PPP4R3B: variants seen among roughly 807,000 people sequenced by gnomAD.
PPP4R3B encodes the protein serine/threonine-protein phosphatase 4 regulatory subunit 3B.
Under a neutral mutation model 95.4 loss-of-function variants are expected in PPP4R3B, and 52 were observed. That is an observed-to-expected ratio of 0.54 (90% CI 0.44 to 0.69). The LOEUF is 0.69. Among genes scored for constraint, PPP4R3B ranks in the 30% least tolerant of loss-of-function variants. The pLI, the probability that PPP4R3B is intolerant of heterozygous loss-of-function variation, is 0.00. For synonymous variants in PPP4R3B, 407 were observed against 343.9 expected, an observed-to-expected ratio of 1.18 and a Z score of -2.03; for missense variants, 1,003 against 1,005.9, an observed-to-expected ratio of 1.00 and a Z score of 0.04.
At chr2:55,578,533 C>T (rs1269582534) in intron 9 of PPP4R3B, among the ~76,000 whole-genome samples, 191 bp from the exon 10 acceptor site, 1 of 151,960 alleles carries the variant, frequency 6.6e-6, no homozygotes, top group Non-Finnish European at 1.5e-5. Flanking sequence ...CTTTTGTACC[C>T]ATTCACCTTG....
chr2:55,598,768 C>T lies in PPP4R3B; in HGVS notation c.569G>A (p.Gly190Asp). 1.2e-6 allele frequency: 2 copies of T among 1,614,166 alleles called. No homozygotes were observed. Among genetic ancestry groups the T allele is most frequent in the Non-Finnish European group, 1.7e-6 (2 of 1,180,028 alleles). Reference sequence around the variant, plus strand: ...AATAATTTCATACAAATGGTGTAAGCCTTCAGTGTTTTCTAGGTTCTCGCA... The same window carrying T: ...AATAATTTCATACAAATGGTGTAAGTCTTCAGTGTTTTCTAGGTTCTCGCA... The part of the protein sequence containing the change: ...QACENLENTE[G>D]LHHLYEIIRG... Residue 190 changes from glycine to aspartate, a missense_variant, in exon 4 of 17, where the codon GGC (glycine) becomes GAC (aspartate). Gly to Asp is a moderately conservative substitution (Grantham distance 94, BLOSUM62 -1). Transcript: ENST00000616407.
chr2:55,576,255 G>A lies in PPP4R3B; in HGVS notation c.1606+1060C>T, dbSNP rs191695920. Among the ~76,000 whole-genome samples the A allele has an allele frequency of 8.5e-4, 129 of 152,262 alleles. 1 individual carries two copies. Among genetic ancestry groups the A allele is most frequent in the Admixed American group, 4.1e-3 (62 of 15,280 alleles). Reference sequence around the variant, plus strand: ...TCCCAGCTACTTGGGAGGCTGAGGCGGGAGATGGTTTGAACCCAGAAGGTG... The same window carrying A: ...TCCCAGCTACTTGGGAGGCTGAGGCAGGAGATGGTTTGAACCCAGAAGGTG... On this transcript the variant is annotated intron_variant, in intron 11 of 16. Coordinates refer to ENST00000616407, the MANE Select transcript of PPP4R3B (RefSeq NM_001122964.3).
At chr2:55,584,814 A>G (rs908341896) in intron 7 of PPP4R3B, among the ~76,000 whole-genome samples, 1 of 152,110 alleles carries the variant, frequency 6.6e-6, no homozygotes, top group African/African-American at 2.4e-5. Flanking sequence ...TACAAATCTG[A>G]TTCTATTATA....
chr2:55,612,902 C>A (rs780584107), intron 2 of PPP4R3B, among the ~76,000 whole-genome samples: 3 of 150,638 alleles, frequency 2.0e-5, no homozygotes, highest in Non-Finnish European at 4.4e-5. Flanking sequence ...GCAGAAATCG[C>A]ACCACCACAC....
chr2:55,610,159 TTC>T (rs1693971050), intron 2 of PPP4R3B, among the ~76,000 whole-genome samples: 1 of 152,182 alleles, frequency 6.6e-6, no homozygotes, highest in South Asian at 2.1e-4. Context: ...TTCCAGCACT[TTC>T]TGGAAAATAT....
chr2:55,609,239 G>C (rs910981011), intron 2 of PPP4R3B, among the ~76,000 whole-genome samples: 4 of 151,876 alleles, frequency 2.6e-5, no homozygotes, highest in Non-Finnish European at 5.9e-5. Flanking sequence ...ACGAACTATA[G>C]CCTCAAACTC....
intron 13 of PPP4R3B, 162 bp downstream of exon 13, chr2:55,568,032 T>C: frequency 2.3e-6 from 1 of 427,948 alleles, no homozygotes; most frequent in Non-Finnish European, 3.8e-6. Context: ...AGCTACTGAT[T>C]TTTAAAATTT....
chr2:55,591,460 T>G (rs1334094225), intron 4 of PPP4R3B: 1 of 929,892 alleles, frequency 1.1e-6, no homozygotes, highest in African/African-American at 1.8e-5. Flanking sequence ...TCCAAATACT[T>G]TTAGTCTTAA....
chr2:55,578,749 CT>C (rs781638788), intron 9 of PPP4R3B, among the ~76,000 whole-genome samples: 30 of 152,150 alleles, frequency 2.0e-4, no homozygotes, highest in Middle Eastern at 6.8e-3. Context: ...ATAGGGTGTG[CT>C]CATGTTTCAA....
intron 4 of PPP4R3B, among the ~76,000 whole-genome samples, chr2:55,595,036 T>C (rs1045789670): frequency 1.5e-4 from 23 of 151,364 alleles, no homozygotes; most frequent in Admixed American, 2.0e-4. Flanking sequence ...CTTTTTTTTT[T>C]TTTTTTTTCA....
At chr2:55,559,029 A>C in intron 15 of PPP4R3B, 61 bp from the exon 16 acceptor site, 2 of 1,319,870 alleles carry the variant, frequency 1.5e-6, no homozygotes, top group Non-Finnish European at 2.1e-6. Flanking sequence ...AAAACATCTA[A>C]AAACAGCAGT....
chr2:55,598,648 G>C lies in PPP4R3B; in HGVS notation c.689C>G (p.Pro230Arg), dbSNP rs373433621. 105 of 1,614,048 alleles carry C rather than the reference G, an allele frequency of 6.5e-5. No homozygotes were observed. Among genetic ancestry groups the C allele is most frequent in the Non-Finnish European group, 8.5e-5 (100 of 1,180,040 alleles). ...ATGTCTTTTTGGCTGAGCCAAAGCA[G>C]GGTCATATTCAAGGCATCCCACGAC... ...MDVVGCLEYD[P>R]ALAQPKRHRE... Residue 230 changes from proline to arginine, a missense_variant, in exon 4 of 17, where the codon CCT becomes CGT. This residue lies in a region of PPP4R3B where 695 missense variants were observed against 686.2 expected (regional missense o/e 1.01). Coordinates refer to ENST00000616407, the MANE Select transcript of PPP4R3B (RefSeq NM_001122964.3).
intron 13 of PPP4R3B, chr2:55,565,747 T>C: frequency 4.7e-6 from 1 of 210,706 alleles, no homozygotes. Context: ...AGTTTTCAAA[T>C]GAGCCTAACT....
At chr2:55,575,466 G>C (rs953582649) in intron 11 of PPP4R3B, among the ~76,000 whole-genome samples, 2 of 152,106 alleles carry the variant, frequency 1.3e-5, no homozygotes, top group Non-Finnish European at 2.9e-5. Flanking sequence ...TGTTGTTTGA[G>C]ACAGGGTATC....
rs375389342 is a variant in PPP4R3B, at chr2:55,592,284, T to C, written c.922-3328A>G. ...CTTTCTGAGGGTAGCTAGTGACAGA[T>C]GGATTTAGAATCCAGGCCTCCCAAA... On this transcript the variant is annotated intron_variant, in intron 4 of 16. Transcript: ENST00000616407. Among the ~76,000 whole-genome samples the C allele has an allele frequency of 3.9e-5, 6 of 152,322 alleles. No individual in the cohort carries two copies. In the East Asian group the frequency reaches 5.8e-4, roughly 15 times the overall value.
At chr2:55,579,407 C>CT (rs5831371) in intron 9 of PPP4R3B, among the ~76,000 whole-genome samples, 151,795 of 151,830 alleles carry the variant, frequency 1, 75,880 homozygotes, top group Middle Eastern at 1. Context: ...GCCACATTTT[C>CT]TTTTTTTTCT....
At chr2:55,577,199 G>C (rs1688799200) in intron 11 of PPP4R3B, 116 bp downstream of exon 11, 1 of 1,269,710 alleles carries the variant, frequency 7.9e-7, no homozygotes, top group Non-Finnish European at 1.0e-6. Flanking sequence ...ATTTCTTCTT[G>C]GATTTTGTTT....
At position 55,577,306 on chromosome 2, in the gene PPP4R3B, C is replaced by T. The variant is rs1464185882; in HGVS notation, c.1606+9G>A. ...TGCATGTATTCATAAAGTATGAATT[C>T]ATACTTACCGGGACAAATTGTGTTG... On this transcript the variant is annotated intron_variant, in intron 11 of 16. Transcript: ENST00000616407. The T allele has an allele frequency of 6.4e-7, 1 of 1,553,018 alleles. No homozygotes were observed. Among genetic ancestry groups the T allele is most frequent in the Non-Finnish European group, 8.7e-7 (1 of 1,155,908 alleles).
At chr2:55,574,932 CTTCTT>C (rs1350754164) in intron 11 of PPP4R3B, among the ~76,000 whole-genome samples, 4 of 130,680 alleles carry the variant, frequency 3.1e-5, no homozygotes, top group African/African-American at 1.1e-4. Context: ...TCATATACAA[CTTCTT>C]TTTTTTTTTT....
Sources: gnomAD v4.1 joint callset for allele counts (sites outside exome capture counted in the v4.1 genomes callset) on GRCh38, gnomAD v4.1.1 for gene constraint, gnomAD v4.1.1 regional missense constraint, MANE v1.5 for transcripts, NCBI Gene and HGNC (gene_info 2026-07-23, HGNC 2026-07-21) for gene names.